JMY: variants seen among roughly 807,000 people sequenced by gnomAD.
JMY encodes the protein junction mediating and regulatory protein, p53 cofactor, also known as junction-mediating and -regulatory protein.
Under a neutral mutation model 103.3 loss-of-function variants are expected in JMY, and 46 were observed. The observed-to-expected ratio is 0.45, with a 90% CI of 0.35 to 0.57. The LOEUF is 0.57. Ranked by LOEUF, JMY falls within the 20% of genes least tolerant of loss-of-function variation. The pLI, the probability that JMY is intolerant of heterozygous loss-of-function variation, is 0.00. For synonymous variants in JMY, 526 were observed against 489.3 expected (o/e 1.07, Z -0.99); for missense variants, 1,238 against 1,255.2 (o/e 0.99, Z 0.21).
In JMY at chr5:79,322,560, CTACAAAGA is replaced by C. The variant is rs777407110; in HGVS notation, c.*961_*968del. On this transcript the variant is annotated 3_prime_UTR_variant, in exon 11 of 11. Transcript: ENST00000396137. ...TGCTCCACAGTGAAAAGCATGTGCT[CTACAAAGA>C]TAGAAAGTAGAGACAAGTCTCCGTG... 6 of 152,168 alleles carry C rather than the reference CTACAAAGA, an allele frequency of 3.9e-5. No individual in the cohort carries two copies. Among genetic ancestry groups the C allele is most frequent in the Admixed American group, 3.9e-4 (6 of 15,282 alleles). The allele number at this position is 152,168 out of a possible 1,614,324, so 9.4% of individuals were successfully genotyped here. A position where few individuals can be genotyped will look rare whatever the true frequency, so the allele number is the denominator to read the frequency against.
intron 7 of JMY, among the ~76,000 whole-genome samples, chr5:79,306,965 T>G (rs1746903114): frequency 6.6e-6 from 1 of 152,226 alleles, no homozygotes; most frequent in East Asian, 1.9e-4. Context: ...CTTTTTATAG[T>G]CTTCATAGTT....
rs569294028 is a variant in JMY, at chr5:79,247,104, C to G, written c.1032+9422C>G. On this transcript the variant is annotated intron_variant, in intron 1 of 10. Coordinates refer to ENST00000396137, the MANE Select transcript of JMY (RefSeq NM_152405.5). ...GTTAACCACTGGACTGTCTGCATCC[C>G]TGTAGAAAGAGAGTGAGGATAAGTG... Among the ~76,000 whole-genome samples the G allele has an allele frequency of 1.6e-4, 24 of 152,234 alleles. No individual in the cohort carries two copies. The South Asian group carries it at 5.0e-3, about 32-fold the overall frequency.
Position 79,323,935 on chromosome 5 carries a change from AAAG to A in JMY, c.*2337_*2339del, listed in dbSNP as rs1485752109. The stretch of plus-strand genomic sequence containing the variant: ...CCATGAGAGTCACCTCACACTTGGA[AAAG>A]AAGGAGGTTAAAGCAGAGTATTGTT... On this transcript the variant is annotated 3_prime_UTR_variant, in exon 11 of 11. Transcript: ENST00000396137. The A allele has an allele frequency of 3.9e-5, 6 of 152,182 alleles. No individual in the cohort carries two copies. The highest frequency in any genetic ancestry group is 3.3e-4 in the Admixed American group (5 of 15,274). The allele number at this position is 152,182 out of a possible 1,614,324, so 9.4% of individuals were successfully genotyped here. A position where few individuals can be genotyped will look rare whatever the true frequency, so the allele number is the denominator to read the frequency against.
intron 1 of JMY, among the ~76,000 whole-genome samples, chr5:79,255,190 AG>A (rs1480957807): frequency 7.0e-6 from 1 of 142,652 alleles, no homozygotes; most frequent in Non-Finnish European, 1.5e-5. Context: ...TCCACCTCCC[AG>A]GTTCAAGGGA....
rs1227594194 is a variant in JMY at position 79,322,615 on chromosome 5, C to A, written c.*1013C>A. 6.6e-6 allele frequency: 1 copy of A among 152,194 alleles called. No homozygotes were observed. The highest frequency in any genetic ancestry group is 2.4e-5 in the African/African-American group (1 of 41,446). 9.4% of individuals were successfully genotyped at this position (152,194 alleles called of 1,614,324 possible). A position where few individuals can be genotyped will look rare whatever the true frequency, so the allele number is the denominator to read the frequency against. The stretch of plus-strand genomic sequence containing the variant: ...CGTGGCTGGCATTTCACCATCTTCA[C>A]ATGCACTGAATGGAATTTTGGGAGA... On this transcript the variant is annotated 3_prime_UTR_variant, in exon 11 of 11. Transcript: ENST00000396137.
At chr5:79,299,748 C>T (rs1261292467) in intron 4 of JMY, among the ~76,000 whole-genome samples, 1 of 152,148 alleles carries the variant, frequency 6.6e-6, no homozygotes, top group Non-Finnish European at 1.5e-5. Context: ...TGGCATTAAC[C>T]AGCTTTTACC....
chr5:79,291,470 G>A (rs921500856), intron 4 of JMY, among the ~76,000 whole-genome samples, 171 bp downstream of exon 4: 3 of 152,194 alleles, frequency 2.0e-5, no homozygotes, highest in Non-Finnish European at 4.4e-5. Context: ...AGAGTTAGAC[G>A]TAGCGTATTT....
chr5:79,279,989 G>T lies in JMY; in HGVS notation c.1206+1906G>T, dbSNP rs76092669. ...CCCACAAGTAGCTGGGACTATGGGC[G>T]CATGCCACCACGCCCAGCTGTTTTT... On this transcript the variant is annotated intron_variant, in intron 2 of 10. Transcript: ENST00000396137. 4.9e-3 allele frequency among the ~76,000 whole-genome samples: 750 copies of T among 152,242 alleles called. 3 individuals carry two copies. Among genetic ancestry groups the T allele is most frequent in the African/African-American group, 0.017 (727 of 41,548 alleles).
chr5:79,238,707 G>A (rs1223269377), intron 1 of JMY, among the ~76,000 whole-genome samples: 1 of 142,096 alleles, frequency 7.0e-6, no homozygotes, highest in Non-Finnish European at 1.5e-5. Flanking sequence ...GAGTACAGTG[G>A]CACCATCTGG....
At chr5:79,288,881 T>C (rs1746344318) in intron 2 of JMY, among the ~76,000 whole-genome samples, 1 of 151,976 alleles carries the variant, frequency 6.6e-6, no homozygotes, top group Admixed American at 6.6e-5. Flanking sequence ...ATCTTGCCCT[T>C]TGATATAGTG....
intron 2 of JMY, among the ~76,000 whole-genome samples, chr5:79,281,823 A>C (rs574301900): frequency 6.6e-6 from 1 of 152,232 alleles, no homozygotes; most frequent in Non-Finnish European, 1.5e-5. Context: ...TTGGTTGTAT[A>C]TAAATTAAGC....
intron 7 of JMY, among the ~76,000 whole-genome samples, chr5:79,307,833 G>GGTTCAAGCAATTCTCCTGT (rs1746934445): frequency 6.6e-6 from 1 of 152,042 alleles, no homozygotes; most frequent in African/African-American, 2.4e-5. Flanking sequence ...CCATCTCCTG[G>GGTTCAAGCAATTCTCCTGT]GTTCAAGCAA....
chr5:79,307,348 A>G (rs1288375770), intron 7 of JMY, among the ~76,000 whole-genome samples: 1 of 152,190 alleles, frequency 6.6e-6, no homozygotes, highest in Non-Finnish European at 1.5e-5. Flanking sequence ...TGGCTGTTCC[A>G]TTTTGAACTC....
chr5:79,304,633 G>T (rs1746828002), intron 6 of JMY, among the ~76,000 whole-genome samples: 1 of 152,062 alleles, frequency 6.6e-6, no homozygotes, highest in South Asian at 2.1e-4. Flanking sequence ...TCATTTGGTG[G>T]CAAAACCAGA....
chr5:79,317,349 C>T (rs1747264979), intron 10 of JMY, among the ~76,000 whole-genome samples: 2 of 152,020 alleles, frequency 1.3e-5, no homozygotes, highest in African/African-American at 2.4e-5. Context: ...TCTTTGGTTA[C>T]ACATGTAGCA....
chr5:79,288,458 C>T (rs921562521), intron 2 of JMY, among the ~76,000 whole-genome samples: 3 of 152,160 alleles, frequency 2.0e-5, no homozygotes, highest in African/African-American at 7.2e-5. Flanking sequence ...TACTCTTTCC[C>T]CACAATACCT....
At chr5:79,262,645 T>G (rs534227863) in intron 1 of JMY, among the ~76,000 whole-genome samples, 15 of 152,338 alleles carry the variant, frequency 9.8e-5, no homozygotes, top group Non-Finnish European at 1.9e-4. Context: ...AAATTGTTTT[T>G]AAGGTAGTCT....
At position 79,321,925 on chromosome 5, in the gene JMY, G is replaced by A. The variant is rs1042468341; in HGVS notation, c.*323G>A. On this transcript the variant is annotated 3_prime_UTR_variant, in exon 11 of 11. Transcript: ENST00000396137. Reference sequence around the variant, plus strand: ...ATGGCCAGTTAAGCTAGGGCTTGCTGTAAGTTGGAAGAACACTGGGTTGAC... The same window carrying A: ...ATGGCCAGTTAAGCTAGGGCTTGCTATAAGTTGGAAGAACACTGGGTTGAC... 3 of 152,114 alleles carry A rather than the reference G, an allele frequency of 2.0e-5. No individual in the cohort carries two copies. Among genetic ancestry groups the A allele is most frequent in the Admixed American group, 6.5e-5 (1 of 15,272 alleles). 9.4% of individuals were successfully genotyped at this position (152,114 alleles called of 1,614,324 possible). A position where few individuals can be genotyped will look rare whatever the true frequency, so the allele number is the denominator to read the frequency against.
At position 79,268,871 on chromosome 5, in the gene JMY, G is replaced by A. The variant is rs147312052; in HGVS notation, c.1033-9039G>A. 5.7e-3 allele frequency among the ~76,000 whole-genome samples: 868 copies of A among 152,238 alleles called. 4 individuals are homozygous for A. The highest frequency in any genetic ancestry group is 9.2e-3 in the Non-Finnish European group (624 of 68,010). On this transcript the variant is annotated intron_variant, in intron 1 of 10. Transcript: ENST00000396137. Reference sequence around the variant, plus strand: ...TTTGTAAATTGGATCTTTTTTTACTGTTGAGCTTCAGGAGTTCTTTGTATA... The same window carrying A: ...TTTGTAAATTGGATCTTTTTTTACTATTGAGCTTCAGGAGTTCTTTGTATA...
Sources: allele counts gnomAD v4.1 joint callset (sites outside exome capture counted in the v4.1 genomes callset), GRCh38; gene constraint gnomAD v4.1.1; transcripts MANE v1.5; gene names NCBI Gene and HGNC (gene_info 2026-07-23, HGNC 2026-07-21).